Variants in SRGAP1 observed in about 807,000 individuals in gnomAD.
SRGAP1 encodes SLIT-ROBO Rho GTPase activating protein 1.
A neutral mutation model predicts 121.9 loss-of-function variants in SRGAP1; 43 were observed. That is an observed-to-expected ratio of 0.35 (90% confidence interval 0.28 to 0.46). The LOEUF is 0.46. Among genes scored for constraint, SRGAP1 ranks in the 20% least tolerant of loss-of-function variants. The pLI, the probability that SRGAP1 is intolerant of heterozygous loss-of-function variation, is 1.00. For synonymous variants in SRGAP1, 447 were observed against 485.4 expected, an observed-to-expected ratio of 0.92 and a Z score of 1.04; for missense variants, 1,102 against 1,350.9, an observed-to-expected ratio of 0.82 and a Z score of 2.89.
chr12:63,919,438 G>A (rs2030942242), intron 1 of SRGAP1, among the ~76,000 whole-genome samples: 1 of 146,424 alleles, frequency 6.8e-6, no homozygotes, highest in African/African-American at 2.5e-5. Context: ...CCAAAGTGCT[G>A]GGATTACAGG....
intron 1 of SRGAP1, among the ~76,000 whole-genome samples, chr12:63,912,156 A>G (rs1309869906): frequency 1.3e-5 from 2 of 152,164 alleles, no homozygotes; most frequent in African/African-American, 4.8e-5. Flanking sequence ...CTTATTGATC[A>G]TCTACTGTTT....
chr12:64,063,388 A>G (rs1292749691), intron 7 of SRGAP1, among the ~76,000 whole-genome samples: 3 of 152,186 alleles, frequency 2.0e-5, no homozygotes, highest in Non-Finnish European at 4.4e-5. Flanking sequence ...CAGAATAGAA[A>G]GTTTTTGTTC....
chr12:64,143,077 G>A lies in SRGAP1; in HGVS notation c.*405G>A, dbSNP rs1019407094. Reference sequence around the variant, plus strand: ...ATTGGAGTATAGCCAGTGTTGGTCTGTGGCACTTGGGCTGAAAGGTGATAA... The same window carrying A: ...ATTGGAGTATAGCCAGTGTTGGTCTATGGCACTTGGGCTGAAAGGTGATAA... On this transcript the variant is annotated 3_prime_UTR_variant, in exon 22 of 22. Transcript: ENST00000355086. 1 of 179,488 alleles carries A rather than the reference G, an allele frequency of 5.6e-6. No individual in the cohort carries two copies. Among genetic ancestry groups the A allele is most frequent in the Non-Finnish European group, 1.2e-5 (1 of 83,368 alleles). 11.1% of individuals were successfully genotyped at this position (179,488 alleles called of 1,614,324 possible).
At chr12:64,028,893 T>A (rs572860288) in intron 4 of SRGAP1, among the ~76,000 whole-genome samples, 1 of 152,340 alleles carries the variant, frequency 6.6e-6, no homozygotes, top group East Asian at 1.9e-4. Flanking sequence ...TGTGTTGCAT[T>A]CGTGAAGCAT....
intron 1 of SRGAP1, among the ~76,000 whole-genome samples, chr12:63,912,768 T>C (rs1289754727): frequency 6.6e-6 from 1 of 152,190 alleles, no homozygotes. Context: ...TAGTTTTACA[T>C]GGTAGGGATT....
chr12:63,998,893 G>A (rs1020064288), intron 3 of SRGAP1, among the ~76,000 whole-genome samples: 1 of 152,066 alleles, frequency 6.6e-6, no homozygotes, highest in African/African-American at 2.4e-5. Context: ...AGCTTTCTTT[G>A]TCTCAGGCAT....
intron 10 of SRGAP1, 62 bp downstream of exon 10, chr12:64,080,432 C>A: frequency 7.9e-7 from 1 of 1,272,112 alleles, no homozygotes. Context: ...TGTATATATT[C>A]CAGAAAGAGT....
chr12:63,852,619 T>C (rs1899113778), intron 1 of SRGAP1, among the ~76,000 whole-genome samples: 2 of 152,224 alleles, frequency 1.3e-5, no homozygotes, highest in South Asian at 4.1e-4. Context: ...AGAATAACTT[T>C]TGTTTTAAAT....
intron 6 of SRGAP1, among the ~76,000 whole-genome samples, chr12:64,057,450 G>A (rs76228078): frequency 3.2e-4 from 48 of 152,244 alleles, no homozygotes; most frequent in African/African-American, 8.4e-4. Context: ...GTGAAATTCT[G>A]TATAGTTAGG....
chr12:64,067,057 C>G (rs945653511), intron 8 of SRGAP1, among the ~76,000 whole-genome samples: 1 of 151,900 alleles, frequency 6.6e-6, no homozygotes, highest in Non-Finnish European at 1.5e-5. Flanking sequence ...TCTGGCCACT[C>G]TGGCCCTGCA....
intron 10 of SRGAP1, among the ~76,000 whole-genome samples, chr12:64,085,050 G>A (rs573786828): frequency 1.1e-4 from 16 of 152,224 alleles, no homozygotes; most frequent in African/African-American, 2.9e-4. Flanking sequence ...CGTTTTTAAA[G>A]GTGGTACATT....
chr12:63,971,024 C>T (rs1453851927), intron 1 of SRGAP1, among the ~76,000 whole-genome samples: 6 of 152,144 alleles, frequency 3.9e-5, no homozygotes, highest in South Asian at 4.1e-4. Flanking sequence ...CCCTGCGATA[C>T]AAAGCAAACT....
At chr12:64,128,248 T>G in intron 21 of SRGAP1, 48 bp downstream of exon 21, 1 of 1,472,682 alleles carries the variant, frequency 6.8e-7, no homozygotes, top group Non-Finnish European at 9.2e-7. Flanking sequence ...CTAAGTGTGA[T>G]GTAGGAGGTG....
chr12:63,863,025 G>A (rs1280044174), intron 1 of SRGAP1, among the ~76,000 whole-genome samples: 2 of 152,126 alleles, frequency 1.3e-5, no homozygotes, highest in African/African-American at 4.8e-5. Flanking sequence ...GCTGACCCCA[G>A]GGCTTGATTA....
rs772393902 is a variant in SRGAP1 at position 64,128,137 on chromosome 12, G to C, written c.2817G>C (p.Thr939=). 1 of 1,614,122 alleles carries C rather than the reference G, an allele frequency of 6.2e-7. No individual in the cohort carries two copies. Among genetic ancestry groups the C allele is most frequent in the Admixed American group, 1.7e-5 (1 of 60,014 alleles). ...KIDSPPIRRS[T]SSGQYTGFND... ...ACAGCCCTCCCATTAGAAGGTCCACGTCATCAGGGCAATACACGGGCTTCA... is the reference window on the plus strand; with the variant it reads ...ACAGCCCTCCCATTAGAAGGTCCACCTCATCAGGGCAATACACGGGCTTCA... Residue 939 remains threonine (T), a synonymous_variant, in exon 21 of 22, where the codon ACG becomes ACC. Transcript: ENST00000355086.
intron 1 of SRGAP1, among the ~76,000 whole-genome samples, chr12:63,896,532 G>C (rs1900759818): frequency 6.6e-6 from 1 of 152,186 alleles, no homozygotes; most frequent in South Asian, 2.1e-4. Context: ...CTGTGGGTAA[G>C]AGATTGCAGA....
chr12:64,095,754 G>A (rs562642944), intron 14 of SRGAP1, among the ~76,000 whole-genome samples: 1 of 151,824 alleles, frequency 6.6e-6, no homozygotes, highest in African/African-American at 2.4e-5. Flanking sequence ...AACTATTATG[G>A]GTACGTAATA....
At chr12:63,887,109 G>C (rs1900413293) in intron 1 of SRGAP1, among the ~76,000 whole-genome samples, 1 of 151,428 alleles carries the variant, frequency 6.6e-6, no homozygotes, top group Non-Finnish European at 1.5e-5. Context: ...CCTGATCTCA[G>C]GTGATCCACC....
intron 8 of SRGAP1, among the ~76,000 whole-genome samples, chr12:64,073,627 T>C (rs534756462): frequency 6.6e-6 from 1 of 152,322 alleles, no homozygotes; most frequent in African/African-American, 2.4e-5. Flanking sequence ...ACTTATAATA[T>C]CTAAAACAAT....
Sources: gnomAD v4.1 joint callset for allele counts (sites outside exome capture counted in the v4.1 genomes callset) on GRCh38, gnomAD v4.1.1 for gene constraint, MANE v1.5 for transcripts, NCBI Gene and HGNC (gene_info 2026-07-23, HGNC 2026-07-21) for gene names.